Variants in CDH17 observed in about 807,000 individuals in gnomAD.
The protein encoded by CDH17 is cadherin-17.
Under a neutral mutation model 86.3 loss-of-function variants are expected in CDH17, and 67 were observed. The observed-to-expected ratio is 0.78, with a 90% CI of 0.64 to 0.95. CDH17 has a LOEUF of 0.95. Ranked by LOEUF, CDH17 falls within the 40% of genes least tolerant of loss-of-function variation. The pLI, the probability that CDH17 is intolerant of heterozygous loss-of-function variation, is 0.00. For synonymous variants in CDH17, 367 were observed against 366.4 expected (o/e 1.00, Z -0.02); for missense variants, 993 against 1,017.6 (o/e 0.98, Z 0.33).
intron 3 of CDH17, among the ~76,000 whole-genome samples, chr8:94,184,627 T>G (rs1813541901): frequency 6.6e-6 from 1 of 152,128 alleles, no homozygotes. Flanking sequence ...TGGAGGCTGA[T>G]GGAAATGTTC....
At chr8:94,191,692 G>A (rs547597021) in intron 2 of CDH17, among the ~76,000 whole-genome samples, 16 of 152,180 alleles carry the variant, frequency 1.1e-4, no homozygotes, top group African/African-American at 3.6e-4. Context: ...GACCTCAGGT[G>A]ATCCACCCGC....
intron 2 of CDH17, among the ~76,000 whole-genome samples, chr8:94,193,638 G>A (rs1813727288): frequency 6.6e-6 from 1 of 152,140 alleles, no homozygotes; most frequent in Non-Finnish European, 1.5e-5. Flanking sequence ...GTGACAAAGG[G>A]CATTTGAGGG....
At chr8:94,150,115 T>G (rs1392008066) in intron 13 of CDH17, among the ~76,000 whole-genome samples, 1 of 152,236 alleles carries the variant, frequency 6.6e-6, no homozygotes, top group Non-Finnish European at 1.5e-5. Context: ...TTTAGTATAT[T>G]CCATATGCCA....
At chr8:94,167,149 C>T (rs1296805585) in intron 9 of CDH17, among the ~76,000 whole-genome samples, 1 of 152,130 alleles carries the variant, frequency 6.6e-6, no homozygotes, top group African/African-American at 2.4e-5. Flanking sequence ...AGGCAGGATC[C>T]TCTCCACCTT....
chr8:94,144,193 G>C (rs181729253), intron 15 of CDH17, among the ~76,000 whole-genome samples: 4 of 152,292 alleles, frequency 2.6e-5, no homozygotes, highest in Admixed American at 1.3e-4. Context: ...AGGAGAGAGA[G>C]AGACATGGGG....
In CDH17 at chr8:94,127,859, C is replaced by A; in HGVS notation, c.*381G>T. ...GTGGTTCATGCCTGTATTGGGAGAC[C>A]AAGGCAGGCAGATCACTTGACGTCA... On this transcript the variant is annotated 3_prime_UTR_variant, in exon 18 of 18. Transcript: ENST00000027335. 5.0e-6 allele frequency: 1 copy of A among 198,994 alleles called. No homozygotes were observed. The highest frequency in any genetic ancestry group is 9.3e-5 in the South Asian group (1 of 10,734). 12.3% of individuals were successfully genotyped at this position (198,994 alleles called of 1,614,324 possible). A position where few individuals can be genotyped will look rare whatever the true frequency, so the allele number is the denominator to read the frequency against.
intron 15 of CDH17, among the ~76,000 whole-genome samples, chr8:94,134,826 T>C (rs976238562): frequency 6.6e-6 from 1 of 152,256 alleles, no homozygotes; most frequent in Non-Finnish European, 1.5e-5. Flanking sequence ...TACACACTGC[T>C]TTAAATGTGT....
chr8:94,154,477 G>T (rs1812911177), intron 12 of CDH17, among the ~76,000 whole-genome samples: 1 of 152,160 alleles, frequency 6.6e-6, no homozygotes, highest in African/African-American at 2.4e-5. Context: ...CCAAATCAAA[G>T]ATTTTAAACT....
upstream of CDH17, among the ~76,000 whole-genome samples, chr8:94,212,264 T>A (rs989644892): frequency 6.6e-6 from 1 of 152,134 alleles, no homozygotes; most frequent in African/African-American, 2.4e-5. Context: ...CAAGCCATCC[T>A]CCCACCTAAG....
At chr8:94,169,315 G>A (rs1479220998) in intron 9 of CDH17, among the ~76,000 whole-genome samples, 2 of 152,126 alleles carry the variant, frequency 1.3e-5, no homozygotes, top group Non-Finnish European at 2.9e-5. Context: ...TCCTGTTGTG[G>A]CAAGAGTTGA....
Position 94,182,633 on chromosome 8 carries a change from G to A in CDH17, c.151-4912C>T, listed in dbSNP as rs76759933. Among the ~76,000 whole-genome samples the A allele has an allele frequency of 9.1e-3, 1,383 of 152,124 alleles. 12 individuals are homozygous for A. The highest frequency in any genetic ancestry group is 0.031 in the East Asian group (159 of 5,170). ...GACTTCTCAGCCTAATAAGGACACC[G>A]AAGTAAGCCCCACAGCTAACATTGT... On this transcript the variant is annotated intron_variant, in intron 3 of 17. Coordinates refer to ENST00000027335, the MANE Select transcript of CDH17 (RefSeq NM_004063.4).
At chr8:94,203,235 A>G (rs558797287) in intron 1 of CDH17, among the ~76,000 whole-genome samples, 1 of 152,306 alleles carries the variant, frequency 6.6e-6, no homozygotes, top group South Asian at 2.1e-4. Context: ...TCTCTTATTT[A>G]TTTATTTTTT....
At chr8:94,149,306 G>A (rs1164521235) in intron 13 of CDH17, among the ~76,000 whole-genome samples, 1 of 152,100 alleles carries the variant, frequency 6.6e-6, no homozygotes, top group African/African-American at 2.4e-5. Flanking sequence ...AACGTTGGGC[G>A]AGATGGGTGG....
At chr8:94,183,059 A>T (rs1409264088) in intron 3 of CDH17, among the ~76,000 whole-genome samples, 1 of 152,134 alleles carries the variant, frequency 6.6e-6, no homozygotes, top group Non-Finnish European at 1.5e-5. Flanking sequence ...AAGAAATATG[A>T]AGCTTATAAA....
At chr8:94,197,836 A>G (rs1813816846) in intron 1 of CDH17, among the ~76,000 whole-genome samples, 1 of 150,596 alleles carries the variant, frequency 6.6e-6, no homozygotes, top group African/African-American at 2.4e-5. Context: ...GTCTAAAAAA[A>G]AAAAAAAAAA....
intron 12 of CDH17, 125 bp from the exon 13 acceptor site, chr8:94,152,237 G>A (rs897972045): frequency 3.4e-5 from 33 of 962,390 alleles, no homozygotes; most frequent in Admixed American, 7.9e-5. Flanking sequence ...ATATCCACAT[G>A]TGGGAGAATG....
rs771567459 is a variant in CDH17, at chr8:94,148,847, A to G, written c.1824T>C (p.Gly608=). The G allele has an allele frequency of 2.3e-5, 37 of 1,608,994 alleles. No homozygotes were observed. The highest frequency in any genetic ancestry group is 2.9e-5 in the Non-Finnish European group (34 of 1,178,358). The change falls in exon 14 of 18, where the codon GGT becomes GGC. Residue 608 remains glycine, a synonymous_variant. Transcript: ENST00000027335. ...ISYSLRGDTR[G]WLKIDHVTGE... is the part of the protein sequence containing the mutation. ...CAGTCACGTGGTCAATTTTAAGCCA[A>G]CCTCTTGTGTCTCCCCTCAGTGAAT... is the stretch of plus-strand genomic sequence containing the variant.
intron 1 of CDH17, among the ~76,000 whole-genome samples, chr8:94,199,074 TATATATATA>T (rs1203495855): frequency 0.013 from 275 of 20,606 alleles, 2 homozygotes; most frequent in South Asian, 0.043. Flanking sequence ...TATATATATA[TATATATATA>T]TTTTTTTTTT....
At chr8:94,190,983 C>T (rs1813677184) in intron 2 of CDH17, among the ~76,000 whole-genome samples, 2 of 152,158 alleles carry the variant, frequency 1.3e-5, no homozygotes, top group Non-Finnish European at 2.9e-5. Context: ...TTTGCTGCCC[C>T]TGGGCCACTG....
Sources: gnomAD v4.1 joint callset for allele counts (sites outside exome capture counted in the v4.1 genomes callset) on GRCh38, gnomAD v4.1.1 for gene constraint, MANE v1.5 for transcripts, NCBI Gene and HGNC (gene_info 2026-07-23, HGNC 2026-07-21) for gene names.